CHDH: variants seen among roughly 807,000 people sequenced by gnomAD.
CHDH encodes the protein choline dehydrogenase, also known as choline dehydrogenase, mitochondrial.
A neutral mutation model predicts 56.9 loss-of-function variants in CHDH; 43 were observed. The ratio of observed to expected loss-of-function variants is 0.76; its 90% CI spans 0.59 to 0.97. The LOEUF is 0.97. CHDH is among the 50% of genes least tolerant of loss of function. The pLI is 0.00. For synonymous variants in CHDH, 364 were observed against 348.5 expected (o/e 1.04, Z -0.50); for missense variants, 816 against 821.1 (o/e 0.99, Z 0.08).
chr3:53,838,014 A>G (rs1205893336), intron 2 of CHDH, among the ~76,000 whole-genome samples: 1 of 136,480 alleles, frequency 7.3e-6, no homozygotes, highest in East Asian at 2.2e-4. Flanking sequence ...CCAAGATCGT[A>G]TCACTGCACT....
At position 53,818,819 on chromosome 3, in the gene CHDH, G is replaced by A. The variant is rs148917186; in HGVS notation, c.1366+119C>T. 5.7e-4 allele frequency: 430 copies of A among 756,824 alleles called. 3 individuals are homozygous for A. The highest frequency in any genetic ancestry group is 3.1e-3 in the South Asian group (211 of 68,822). The allele number at this position is 756,824 out of a possible 1,614,324, so 46.9% of individuals were successfully genotyped here. On this transcript the variant is annotated intron_variant, in intron 8 of 8. Coordinates refer to ENST00000315251, the MANE Select transcript of CHDH (RefSeq NM_018397.5). ...AGCCTAAAGTGACACGGTGGGGGAC[G>A]ACAGAGGGTCACTTGTGTCCTAGAA...
intron 2 of CHDH, among the ~76,000 whole-genome samples, chr3:53,827,146 C>A (rs761540950): frequency 4.6e-5 from 7 of 152,238 alleles, no homozygotes; most frequent in South Asian, 2.1e-4. Context: ...CCACCCAAAT[C>A]TCTTGTCGAA....
At chr3:53,835,002 T>C (rs1380558402) in intron 2 of CHDH, among the ~76,000 whole-genome samples, 1 of 152,182 alleles carries the variant, frequency 6.6e-6, no homozygotes, top group South Asian at 2.1e-4. Context: ...TAAATAATGA[T>C]TCCACTTTGG....
chr3:53,824,780 A>T (rs1011536543), intron 2 of CHDH, among the ~76,000 whole-genome samples: 4 of 152,222 alleles, frequency 2.6e-5, no homozygotes, highest in Non-Finnish European at 5.9e-5. Context: ...AGCATAGTGC[A>T]CAGAGGTAGA....
At chr3:53,839,894 G>GAGTTC (rs764811802) in intron 2 of CHDH, among the ~76,000 whole-genome samples, 6 of 152,194 alleles carry the variant, frequency 3.9e-5, no homozygotes, top group Non-Finnish European at 8.8e-5. Flanking sequence ...CACAAAGAAT[G>GAGTTC]AGTTCCTGTC....
In CHDH at chr3:53,834,299, T is replaced by A. The variant is rs4687749; in HGVS notation, c.-60+6630A>T. On this transcript the variant is annotated intron_variant, in intron 2 of 8. Transcript: ENST00000315251. ...TGTCTCTACTAAAAATACAAAAAAA[T>A]TAGCCAGGCATAATAAGGCATCTGT... Among the ~76,000 whole-genome samples the A allele has an allele frequency of 7.4e-3, 1,125 of 152,008 alleles. 30 individuals are homozygous for A. In the East Asian group the frequency reaches 0.09, roughly 12 times the overall value.
intron 1 of CHDH, among the ~76,000 whole-genome samples, chr3:53,843,255 A>G (rs538691658): frequency 7.3e-6 from 1 of 137,834 alleles, no homozygotes; most frequent in East Asian, 2.2e-4. Context: ...AAATCCTTCA[A>G]CTTGCTTTCC....
intron 2 of CHDH, among the ~76,000 whole-genome samples, chr3:53,829,629 T>A (rs760327920): frequency 6.6e-6 from 1 of 152,182 alleles, no homozygotes; most frequent in Non-Finnish European, 1.5e-5. Flanking sequence ...TCAAGCTCCA[T>A]CCCTCCCTCT....
chr3:53,840,754 G>A (rs1188290677), intron 2 of CHDH, among the ~76,000 whole-genome samples, 175 bp downstream of exon 2: 1 of 152,216 alleles, frequency 6.6e-6, no homozygotes, highest in African/African-American at 2.4e-5. Context: ...CACCAGAGGA[G>A]TGAAGGAAAG....
chr3:53,842,387 C>A (rs1179792387), intron 1 of CHDH, among the ~76,000 whole-genome samples: 2 of 152,176 alleles, frequency 1.3e-5, no homozygotes, highest in Non-Finnish European at 2.9e-5. Flanking sequence ...TACGGCCCAA[C>A]GTAGGGTGAC....
At chr3:53,828,308 G>A (rs988073028) in intron 2 of CHDH, among the ~76,000 whole-genome samples, 1 of 152,030 alleles carries the variant, frequency 6.6e-6, no homozygotes, top group African/African-American at 2.4e-5. Flanking sequence ...GATAACACAG[G>A]AGAAAGAACC....
rs560840677 is a variant in CHDH, at chr3:53,819,521, C to T, written c.1263+11G>A. On this transcript the variant is annotated intron_variant, in intron 7 of 8. Coordinates refer to ENST00000315251, the MANE Select transcript of CHDH (RefSeq NM_018397.5). This position sits in a 1 kb window ranked among gnomAD's most constrained non-coding sequence, Gnocchi z 5.4. Reference sequence around the variant, plus strand: ...ACATCCTGGGAAGCCGAGGCTCTTCCACCTGCTCACCTGGTAAGCCTCCTG... The same window carrying T: ...ACATCCTGGGAAGCCGAGGCTCTTCTACCTGCTCACCTGGTAAGCCTCCTG... 4 of 1,598,104 alleles carry T rather than the reference C, an allele frequency of 2.5e-6. No individual in the cohort carries two copies. Among genetic ancestry groups the T allele is most frequent in the Admixed American group, 1.7e-5 (1 of 57,566 alleles).
rs566672464 is a variant in CHDH at position 53,822,714 on chromosome 3, GAGAA to G, written c.704-76_704-73del. The stretch of plus-strand genomic sequence containing the variant: ...GCACCTGGGCAGGAGGAAGGAGCTG[GAGAA>G]AGAAAGAGTGGATATGCCCAGCTCT... On this transcript the variant is annotated intron_variant, in intron 3 of 8. Coordinates refer to ENST00000315251, the MANE Select transcript of CHDH (RefSeq NM_018397.5). 3.6e-4 allele frequency: 561 copies of G among 1,537,334 alleles called. 1 individual carries two copies. The African/African-American group carries it at 3.7e-3, about 10-fold the overall frequency.
chr3:53,828,162 G>GACACAC (rs60594351), intron 2 of CHDH, among the ~76,000 whole-genome samples: 3,406 of 145,204 alleles, frequency 0.023, 77 homozygotes, highest in African/African-American at 0.062. Context: ...GGAATAACTA[G>GACACAC]ACACACACAC....
At chr3:53,836,711 G>A (rs1234485770) in intron 2 of CHDH, among the ~76,000 whole-genome samples, 2 of 152,222 alleles carry the variant, frequency 1.3e-5, no homozygotes, top group Non-Finnish European at 2.9e-5. Context: ...TGCAGGGGAT[G>A]AGGCTGCACG....
At position 53,822,636 on chromosome 3, in the gene CHDH, C is replaced by T. The variant is rs763203785; in HGVS notation, c.710G>A (p.Arg237Gln). ...WMDMTIHEGK[R>Q]WSAACAYLHP... The stretch of plus-strand genomic sequence containing the variant: ...CAGGTAGGCACAGGCCGCGCTCCAC[C>T]GTTTGCCTGCAGGATGGAGTGAGGT... The change falls in exon 4 of 9, where the codon CGG (arginine) becomes CAG (glutamine). Residue 237 changes from arginine (R) to glutamine (Q), a missense_variant. By Grantham distance (43) the Arg-to-Gln change is conservative. Coordinates refer to ENST00000315251, the MANE Select transcript of CHDH (RefSeq NM_018397.5). The T allele has an allele frequency of 1.2e-5, 19 of 1,607,592 alleles. No individual in the cohort carries two copies. Among genetic ancestry groups the T allele is most frequent in the South Asian group, 5.5e-5 (5 of 91,042 alleles).
intron 2 of CHDH, among the ~76,000 whole-genome samples, chr3:53,834,655 C>T (rs890764473): frequency 6.6e-6 from 1 of 152,202 alleles, no homozygotes; most frequent in African/African-American, 2.4e-5. Flanking sequence ...CCAGGAGTAC[C>T]CATACTTGCA....
At chr3:53,831,789 C>T (rs186378904) in intron 2 of CHDH, among the ~76,000 whole-genome samples, 272 of 152,162 alleles carry the variant, frequency 1.8e-3, no homozygotes, top group African/African-American at 6.4e-3. Flanking sequence ...AGATGCTCAA[C>T]ATCACTAATC....
rs1342014169 is a variant in CHDH, at chr3:53,813,502, A to G, written c.*4275T>C. 1 of 152,204 alleles carries G rather than the reference A, an allele frequency of 6.6e-6. No individual in the cohort carries two copies. The highest frequency in any genetic ancestry group is 1.5e-5 in the Non-Finnish European group (1 of 68,050). The allele number at this position is 152,204 out of a possible 1,614,324, so 9.4% of individuals were successfully genotyped here. A position where few individuals can be genotyped will look rare whatever the true frequency, so the allele number is the denominator to read the frequency against. ...AGCGCCATTTCTCCTAAAGGGCTAC[A>G]CCACTGTCAACATTATCCTGGACTC... On this transcript the variant is annotated 3_prime_UTR_variant, in exon 9 of 9. Transcript: ENST00000315251.
Sources: gnomAD v4.1 joint callset for allele counts (sites outside exome capture counted in the v4.1 genomes callset) on GRCh38, gnomAD v4.1.1 for gene constraint, Gnocchi (gnomAD v3.1) non-coding constraint, MANE v1.5 for transcripts, NCBI Gene and HGNC (gene_info 2026-07-23, HGNC 2026-07-21) for gene names.